TARBP1: variants seen among roughly 807,000 people sequenced by gnomAD.
TARBP1 encodes tRNA (guanosine(18)-2'-O)-methyltransferase TARBP1.
A neutral mutation model predicts 178.6 loss-of-function variants in TARBP1; 144 were observed. The ratio of observed to expected loss-of-function variants is 0.81; its 90% CI spans 0.70 to 0.93. The LOEUF (loss-of-function observed/expected upper bound fraction) is 0.93, where lower values mean the gene tolerates loss of function less well. Ranked by LOEUF, TARBP1 falls within the 40% of genes least tolerant of loss-of-function variation. The pLI is 0.00. For missense variants in TARBP1, 2,067 were observed against 2,011.7 expected, an observed-to-expected ratio of 1.03 and a Z score of -0.53; for synonymous variants, 787 against 781.0, an observed-to-expected ratio of 1.01 and a Z score of -0.13.
intron 26 of TARBP1, among the ~76,000 whole-genome samples, chr1:234,397,714 A>G (rs112607196): frequency 0.12 from 3 of 26 alleles, 1 homozygote; most frequent in Admixed American, 0.5. Context: ...GAGAGGGGGA[A>G]GAGGGGGAAG....
intron 14 of TARBP1, among the ~76,000 whole-genome samples, chr1:234,431,792 T>C (rs1264133980): frequency 6.6e-6 from 1 of 152,174 alleles, no homozygotes; most frequent in Non-Finnish European, 1.5e-5. Context: ...ACCCAGCAAC[T>C]CTAACTCCAA....
At chr1:234,460,539 A>C in intron 6 of TARBP1, 143 bp from the exon 7 acceptor site, 2 of 848,648 alleles carry the variant, frequency 2.4e-6, no homozygotes, top group Non-Finnish European at 3.6e-6. Flanking sequence ...AATCTAAAGG[A>C]CAGACAATAC....
intron 11 of TARBP1, 66 bp from the exon 12 acceptor site, chr1:234,447,041 T>A (rs933792918): frequency 6.4e-7 from 1 of 1,569,556 alleles, no homozygotes; most frequent in Non-Finnish European, 8.7e-7. Context: ...TTCCCACCTA[T>A]AATTGGGTGA....
chr1:234,441,700 C>A (rs1411249450), intron 12 of TARBP1, among the ~76,000 whole-genome samples: 1 of 152,174 alleles, frequency 6.6e-6, no homozygotes, highest in East Asian at 1.9e-4. Flanking sequence ...TTTAAATCAT[C>A]GGGCCCTTAA....
Position 234,450,544 on chromosome 1 carries a change from T to A in TARBP1, c.1745A>T (p.Asn582Ile). 6.2e-7 allele frequency: 1 copy of A among 1,610,262 alleles called. No individual in the cohort carries two copies. The highest frequency in any genetic ancestry group is 8.5e-7 in the Non-Finnish European group (1 of 1,178,874). ...WTELCDWLRV[N>I]ESYFKPSPTC... is the part of the protein sequence containing the mutation. ...AGGGGATGGCTTAAAATAGCTTTCATTAACACGTAGCCAGTCACACAGCTG... is the reference window on the plus strand; with the variant it reads ...AGGGGATGGCTTAAAATAGCTTTCAATAACACGTAGCCAGTCACACAGCTG... Residue 582 changes from asparagine (N) to isoleucine (I), a missense_variant, in exon 10 of 30, where the codon AAT becomes ATT. Physicochemically the swap from Asn to Ile is moderately radical, Grantham distance 149. Transcript: ENST00000040877.
chr1:234,394,198 G>C (rs2103028080), intron 26 of TARBP1, among the ~76,000 whole-genome samples: 1 of 152,268 alleles, frequency 6.6e-6, no homozygotes, highest in South Asian at 2.1e-4. Context: ...AAATAATGAT[G>C]TATCTTACAA....
chr1:234,399,370 A>G (rs934799151), intron 25 of TARBP1, among the ~76,000 whole-genome samples: 1 of 152,238 alleles, frequency 6.6e-6, no homozygotes, highest in East Asian at 1.9e-4. Context: ...AACTGGCACA[A>G]TGATCACGAC....
intron 12 of TARBP1, among the ~76,000 whole-genome samples, chr1:234,443,692 GA>G (rs1212999223): frequency 6.6e-6 from 1 of 152,092 alleles, no homozygotes; most frequent in Non-Finnish European, 1.5e-5. Flanking sequence ...AAGAGAAGGT[GA>G]AAAAAATCCA....
chr1:234,448,469 G>A lies in TARBP1; in HGVS notation c.1961+11C>T. 4.4e-6 allele frequency: 7 copies of A among 1,607,032 alleles called. No homozygotes were observed. Among genetic ancestry groups the A allele is most frequent in the Non-Finnish European group, 6.0e-6 (7 of 1,174,504 alleles). ...CAAATAGGCTTTCTTTTCAATTACAGAAACAATTACCTATACTGAGTCTTC... is the reference window on the plus strand; with the variant it reads ...CAAATAGGCTTTCTTTTCAATTACAAAAACAATTACCTATACTGAGTCTTC... On this transcript the variant is annotated intron_variant, in intron 11 of 29. Coordinates refer to ENST00000040877, the MANE Select transcript of TARBP1 (RefSeq NM_005646.4).
intron 1 of TARBP1, among the ~76,000 whole-genome samples, chr1:234,475,050 A>C (rs917039771): frequency 1.8e-4 from 28 of 152,252 alleles, no homozygotes; most frequent in African/African-American, 6.8e-4. Flanking sequence ...AAGTTTTTAA[A>C]GACCAAGGTG....
intron 1 of TARBP1, 134 bp from the exon 2 acceptor site, chr1:234,472,945 G>C: frequency 1.4e-6 from 1 of 713,416 alleles, no homozygotes; most frequent in Non-Finnish European, 2.4e-6. Context: ...CTGTATCAGA[G>C]CCTGGATAGG....
chr1:234,442,644 T>G (rs1665707877), intron 12 of TARBP1, among the ~76,000 whole-genome samples: 1 of 152,238 alleles, frequency 6.6e-6, no homozygotes, highest in Non-Finnish European at 1.5e-5. Flanking sequence ...TTTCTGCCTT[T>G]TCTTTCTCCT....
intron 6 of TARBP1, among the ~76,000 whole-genome samples, chr1:234,462,614 G>A (rs912066051): frequency 2.1e-4 from 31 of 150,466 alleles, no homozygotes; most frequent in Admixed American, 1.8e-3. Context: ...ACTTGAACCC[G>A]GGAGGCGGAG....
At chr1:234,395,139 G>C (rs991350252) in intron 26 of TARBP1, among the ~76,000 whole-genome samples, 52 of 152,262 alleles carry the variant, frequency 3.4e-4, no homozygotes, top group African/African-American at 1.2e-3. Flanking sequence ...CACGAGAATC[G>C]CTTGAACCCG....
chr1:234,424,149 T>C (rs1198445847), intron 20 of TARBP1, among the ~76,000 whole-genome samples: 1 of 152,224 alleles, frequency 6.6e-6, no homozygotes, highest in African/African-American at 2.4e-5. Flanking sequence ...ACTCCTGTTT[T>C]AACAGAGGGA....
chr1:234,467,994 G>A (rs1020821889), intron 3 of TARBP1, among the ~76,000 whole-genome samples: 2 of 151,996 alleles, frequency 1.3e-5, no homozygotes, highest in Non-Finnish European at 2.9e-5. Context: ...GCCTAGGTTG[G>A]TCTCAAACTC....
At chr1:234,473,535 C>G (rs1468371296) in intron 1 of TARBP1, among the ~76,000 whole-genome samples, 1 of 152,218 alleles carries the variant, frequency 6.6e-6, no homozygotes, top group Admixed American at 6.5e-5. Flanking sequence ...TCTCTACCTG[C>G]CCCCTCAGGT....
intron 6 of TARBP1, among the ~76,000 whole-genome samples, chr1:234,463,240 C>T (rs572830295): frequency 6.6e-6 from 1 of 152,268 alleles, no homozygotes; most frequent in East Asian, 1.9e-4. Context: ...TCTCCTGCCT[C>T]AGCCTCCCAA....
Position 234,478,714 on chromosome 1 carries a change from G to A in TARBP1, c.390C>T (p.Ala130=). 2.5e-6 allele frequency: 3 copies of A among 1,206,338 alleles called. No individual in the cohort carries two copies. The highest frequency in any genetic ancestry group is 3.1e-6 in the Non-Finnish European group (3 of 972,060). 74.7% of individuals were successfully genotyped at this position (1,206,338 alleles called of 1,614,324 possible). Residue 130 remains alanine, a synonymous_variant, in exon 1 of 30, where the codon GCC becomes GCT. Coordinates refer to ENST00000040877, the MANE Select transcript of TARBP1 (RefSeq NM_005646.4). The stretch of plus-strand genomic sequence containing the variant: ...CCTCGGCGCCAGGCGCGCGCCACCC[G>A]GCGAGCAGATCGCGCAGCGCCTCCT... ...LAEEALRDLL[A]GWRAPGAEAA...
Sources: gnomAD v4.1 joint callset for allele counts (sites outside exome capture counted in the v4.1 genomes callset) on GRCh38, gnomAD v4.1.1 for gene constraint, MANE v1.5 for transcripts, NCBI Gene and HGNC (gene_info 2026-07-23, HGNC 2026-07-21) for gene names.